The following UMAD1 variants were observed in gnomAD, a reference collection of about 807,000 sequenced individuals.
The protein encoded by UMAD1 is UBAP1-MVB12-associated (UMA) domain containing 1, also known as UBAP1-MVB12-associated (UMA)-domain containing protein 1.
Under a neutral mutation model 6.1 loss-of-function variants are expected in UMAD1, and 8 were observed. That is an observed-to-expected ratio of 1.30 (90% CI 0.76 to 2.35). The LOEUF (loss-of-function observed/expected upper bound fraction) is 2.35, where lower values mean the gene tolerates loss of function less well. Ranked by LOEUF, UMAD1 falls within the 30% of genes most tolerant of loss-of-function variation. UMAD1 has a pLI of 0.00. For missense variants in UMAD1, 130 were observed against 78.4 expected (o/e 1.66, Z -2.49); for synonymous variants, 56 against 31.4 (o/e 1.78, Z -2.61).
chr7:7,796,319 T>C (rs1046914586), intron 2 of UMAD1, among the ~76,000 whole-genome samples: 5 of 134,614 alleles, frequency 3.7e-5, no homozygotes, highest in African/African-American at 1.4e-4. Flanking sequence ...TGGCATAATC[T>C]CGGCTCACCA....
chr7:7,760,765 G>A (rs1003480425), intron 2 of UMAD1, among the ~76,000 whole-genome samples: 1 of 152,116 alleles, frequency 6.6e-6, no homozygotes, highest in Non-Finnish European at 1.5e-5. Flanking sequence ...TGAAAGAATA[G>A]ACTAAAAGAG....
chr7:7,806,100 A>G (rs1418435849), intron 3 of UMAD1, among the ~76,000 whole-genome samples: 2 of 152,210 alleles, frequency 1.3e-5, no homozygotes, highest in African/African-American at 2.4e-5. Flanking sequence ...CATTAAATCT[A>G]TAACCAAGGC....
chr7:7,762,656 G>A (rs1285402212), intron 2 of UMAD1, among the ~76,000 whole-genome samples: 1 of 152,166 alleles, frequency 6.6e-6, no homozygotes, highest in Admixed American at 6.5e-5. Context: ...TCCAGGGCAG[G>A]CGATGACAAG....
At chr7:7,823,847 A>G (rs1783291530) in intron 3 of UMAD1, among the ~76,000 whole-genome samples, 1 of 152,108 alleles carries the variant, frequency 6.6e-6, no homozygotes, top group African/African-American at 2.4e-5. Context: ...TCGTAAAGCT[A>G]AGAAGACACC....
intron 3 of UMAD1, among the ~76,000 whole-genome samples, chr7:7,804,193 T>C (rs1392503937): frequency 6.6e-6 from 1 of 152,116 alleles, no homozygotes; most frequent in Non-Finnish European, 1.5e-5. Context: ...GACAGCTCAC[T>C]AATGTAGAAA....
chr7:7,645,511 C>T (rs1785073031), intron 1 of UMAD1, among the ~76,000 whole-genome samples: 1 of 152,162 alleles, frequency 6.6e-6, no homozygotes, highest in Non-Finnish European at 1.5e-5. Flanking sequence ...AGTAAATCCA[C>T]GTTCTATGTG....
intron 1 of UMAD1, among the ~76,000 whole-genome samples, chr7:7,646,992 T>G (rs1012414729): frequency 6.6e-6 from 1 of 152,184 alleles, no homozygotes; most frequent in African/African-American, 2.4e-5. Flanking sequence ...GACCCCACCC[T>G]TCTGCCGCTT....
chr7:7,824,730 A>G (rs1783307927), intron 3 of UMAD1, among the ~76,000 whole-genome samples: 1 of 152,186 alleles, frequency 6.6e-6, no homozygotes. Context: ...CCCACAAATA[A>G]CAAGCACTTG....
chr7:7,717,166 C>T (rs1338805104), intron 2 of UMAD1, among the ~76,000 whole-genome samples: 2 of 151,052 alleles, frequency 1.3e-5, no homozygotes, highest in African/African-American at 4.9e-5. Flanking sequence ...AAGCGATTCT[C>T]TCACCTCTGC....
chr7:7,810,487 T>C (rs1241722582), intron 3 of UMAD1, among the ~76,000 whole-genome samples: 1 of 152,164 alleles, frequency 6.6e-6, no homozygotes, highest in Non-Finnish European at 1.5e-5. Flanking sequence ...AATATACAGA[T>C]ATAGTACTTA....
intron 3 of UMAD1, among the ~76,000 whole-genome samples, chr7:7,857,248 G>C (rs1361083416): frequency 6.6e-6 from 1 of 152,136 alleles, no homozygotes; most frequent in Non-Finnish European, 1.5e-5. Flanking sequence ...GGGTCCACCC[G>C]GGAGTTTACA....
intron 2 of UMAD1, among the ~76,000 whole-genome samples, chr7:7,749,486 G>T (rs550750114): frequency 6.6e-6 from 1 of 152,018 alleles, no homozygotes; most frequent in Non-Finnish European, 1.5e-5. Context: ...GTGGGTAAGC[G>T]TTTTTTTCAT....
intron 3 of UMAD1, among the ~76,000 whole-genome samples, chr7:7,831,425 A>G (rs1357138921): frequency 6.6e-6 from 1 of 152,238 alleles, no homozygotes; most frequent in African/African-American, 2.4e-5. Flanking sequence ...TGTTAGCTCC[A>G]TTCTGGAGCC....
intron 2 of UMAD1, among the ~76,000 whole-genome samples, chr7:7,765,648 T>TC (rs1392744727): frequency 1.3e-5 from 2 of 152,232 alleles, no homozygotes; most frequent in Non-Finnish European, 2.9e-5. Context: ...TGAGGTGTGG[T>TC]CTTTGGCCTT....
At chr7:7,700,492 A>T (rs1170560476) in intron 2 of UMAD1, among the ~76,000 whole-genome samples, 1 of 152,130 alleles carries the variant, frequency 6.6e-6, no homozygotes, top group Non-Finnish European at 1.5e-5. Flanking sequence ...TGGGAGGCCA[A>T]TGTGGGAAGA....
At chr7:7,782,256 A>G (rs569424173) in intron 2 of UMAD1, among the ~76,000 whole-genome samples, 2,438 of 152,242 alleles carry the variant, frequency 0.016, 65 homozygotes, top group African/African-American at 0.055. Context: ...GGAAAAAATA[A>G]AAATCTTTCA....
At chr7:7,789,187 A>G (rs1782515877) in intron 2 of UMAD1, among the ~76,000 whole-genome samples, 1 of 152,196 alleles carries the variant, frequency 6.6e-6, no homozygotes, top group African/African-American at 2.4e-5. Context: ...GCTGCAAGGC[A>G]TAGTAGCTGG....
rs1156454358 is a variant in UMAD1 at position 7,656,651 on chromosome 7, C to CT, written c.-64+15836dup. 2.6e-5 allele frequency among the ~76,000 whole-genome samples: 4 copies of CT among 152,060 alleles called. No individual in the cohort carries two copies. In the East Asian group the frequency reaches 5.8e-4, roughly 22 times the overall value. ...TCCCTGCAAAGGATATGAACTCATTCTTTTTTATGGCTGTATACTATTCCA... is the reference window on the plus strand; with the variant it reads ...TCCCTGCAAAGGATATGAACTCATTCTTTTTTTATGGCTGTATACTATTCCA... On this transcript the variant is annotated intron_variant, in intron 1 of 3. Coordinates refer to ENST00000682710, the MANE Select transcript of UMAD1 (RefSeq NM_001302348.2).
chr7:7,667,517 G>A (rs1779495980), intron 1 of UMAD1, among the ~76,000 whole-genome samples: 1 of 151,954 alleles, frequency 6.6e-6, no homozygotes, highest in Non-Finnish European at 1.5e-5. Context: ...AGAGGTTGCA[G>A]TTTTTTTTCC....
Sources: gnomAD v4.1 joint callset for allele counts (sites outside exome capture counted in the v4.1 genomes callset) on GRCh38, gnomAD v4.1.1 for gene constraint, MANE v1.5 for transcripts, NCBI Gene and HGNC (gene_info 2026-07-23, HGNC 2026-07-21) for gene names.